The following FBXW7 variants were observed in gnomAD, a reference collection of about 807,000 sequenced individuals.
The protein encoded by FBXW7 is F-box and WD repeat domain containing 7, also known as F-box/WD repeat-containing protein 7.
Under a neutral mutation model 86.3 loss-of-function variants are expected in FBXW7, and 11 were observed. The observed-to-expected ratio is 0.13, with a 90% CI of 0.08 to 0.21. FBXW7 has a LOEUF of 0.21. Ranked by LOEUF, FBXW7 falls within the 10% of genes least tolerant of loss-of-function variation. FBXW7 has a pLI of 1.00. For missense variants in FBXW7, 488 were observed against 847.4 expected, an observed-to-expected ratio of 0.58 and a Z score of 5.27; for synonymous variants, 313 against 297.9, an observed-to-expected ratio of 1.05 and a Z score of -0.52.
chr4:152,442,906 C>A (rs1040201063), intron 2 of FBXW7, among the ~76,000 whole-genome samples: 1 of 152,196 alleles, frequency 6.6e-6, no homozygotes, highest in Non-Finnish European at 1.5e-5. Flanking sequence ...GCCTCCTCAA[C>A]GCTAAAACAA....
At chr4:152,442,766 A>G (rs957089049) in intron 2 of FBXW7, among the ~76,000 whole-genome samples, 4 of 152,210 alleles carry the variant, frequency 2.6e-5, no homozygotes, top group Admixed American at 2.6e-4. Flanking sequence ...TGAACACTTA[A>G]AAGTTTCAGA....
chr4:152,524,936 A>G (rs916345612), intron 2 of FBXW7, among the ~76,000 whole-genome samples: 1 of 152,182 alleles, frequency 6.6e-6, no homozygotes, highest in Non-Finnish European at 1.5e-5. Flanking sequence ...AGAGACCACC[A>G]ATCATGCAAA....
At chr4:152,486,566 T>C (rs983772271) in intron 2 of FBXW7, among the ~76,000 whole-genome samples, 17 of 152,296 alleles carry the variant, frequency 1.1e-4, no homozygotes, top group African/African-American at 4.1e-4. Flanking sequence ...AGTATCACTG[T>C]CTTCCACCTC....
chr4:152,459,899 T>C (rs1742784242), intron 2 of FBXW7, among the ~76,000 whole-genome samples: 1 of 152,074 alleles, frequency 6.6e-6, no homozygotes, highest in Non-Finnish European at 1.5e-5. Context: ...AGCAAAACTG[T>C]GGATAAGGGG....
chr4:152,386,950 C>G (rs1046017367), intron 4 of FBXW7, among the ~76,000 whole-genome samples: 1 of 152,140 alleles, frequency 6.6e-6, no homozygotes, highest in African/African-American at 2.4e-5. Context: ...ACCATCACAG[C>G]AATTTACTCT....
At chr4:152,348,632 T>C (rs757772946) in intron 5 of FBXW7, 2 of 639,764 alleles carry the variant, frequency 3.1e-6, no homozygotes, top group South Asian at 5.6e-5. Context: ...TCAGCACTCA[T>C]TTATTCTAAG....
rs78939991 is a variant in FBXW7, at chr4:152,495,171, G to A, written c.-120+39770C>T. ...TTTTAGGCTGGGTGTGGTGACTCACGTCTGTAATCCTAGCACTTTGGGAGG... is the reference window on the plus strand; with the variant it reads ...TTTTAGGCTGGGTGTGGTGACTCACATCTGTAATCCTAGCACTTTGGGAGG... On this transcript the variant is annotated intron_variant, in intron 2 of 13. Coordinates refer to ENST00000281708, the MANE Select transcript of FBXW7 (RefSeq NM_001349798.2). 3.3e-5 allele frequency among the ~76,000 whole-genome samples: 5 copies of A among 152,204 alleles called. No individual in the cohort carries two copies. In the East Asian group the frequency reaches 5.8e-4, roughly 18 times the overall value.
intron 2 of FBXW7, among the ~76,000 whole-genome samples, chr4:152,461,604 C>T (rs1476273114): frequency 6.6e-6 from 1 of 152,102 alleles, no homozygotes; most frequent in African/African-American, 2.4e-5. Context: ...TTGCTAAATC[C>T]AATATCTGGC....
At chr4:152,453,284 A>G (rs191244846) in intron 2 of FBXW7, among the ~76,000 whole-genome samples, 127 of 152,298 alleles carry the variant, frequency 8.3e-4, no homozygotes, top group African/African-American at 2.9e-3. Flanking sequence ...TTCTTATCTT[A>G]ATTTCTTATG....
At chr4:152,337,452 T>A (rs1730251125) in intron 7 of FBXW7, among the ~76,000 whole-genome samples, 1 of 151,886 alleles carries the variant, frequency 6.6e-6, no homozygotes, top group Non-Finnish European at 1.5e-5. Flanking sequence ...TTTTAAAAAA[T>A]CTACTATCAT....
intron 6 of FBXW7, among the ~76,000 whole-genome samples, chr4:152,340,466 C>A (rs912380263): frequency 1.3e-5 from 2 of 149,912 alleles, no homozygotes; most frequent in Non-Finnish European, 3.0e-5. Context: ...GTAGTCCCGG[C>A]GACTTGGGAG....
intron 2 of FBXW7, among the ~76,000 whole-genome samples, chr4:152,467,746 CAGTG>C (rs951518476): frequency 1.3e-5 from 2 of 152,134 alleles, no homozygotes; most frequent in Non-Finnish European, 1.5e-5. Context: ...CCCAGGCTAT[CAGTG>C]AGTATTTATT....
chr4:152,347,208 C>T (rs1469237595), intron 5 of FBXW7, 137 bp from the exon 6 acceptor site: 5 of 758,670 alleles, frequency 6.6e-6, no homozygotes, highest in Non-Finnish European at 8.1e-6. Context: ...CAATTAATTA[C>T]CTTTCTTCCC....
At position 152,483,017 on chromosome 4, in the gene FBXW7, C is replaced by T. The variant is rs189673700; in HGVS notation, c.-120+51924G>A. Among the ~76,000 whole-genome samples the T allele has an allele frequency of 3.0e-3, 457 of 152,192 alleles. 1 individual carries two copies. Among genetic ancestry groups the T allele is most frequent in the African/African-American group, 0.01 (436 of 41,552 alleles). On this transcript the variant is annotated intron_variant, in intron 2 of 13. Coordinates refer to ENST00000281708, the MANE Select transcript of FBXW7 (RefSeq NM_001349798.2). ...TCACAAAGATCTTATTCTTTTTAAT[C>T]AGCTTGCTAATATTCTAAAATACAG... is the stretch of plus-strand genomic sequence containing the variant.
intron 4 of FBXW7, among the ~76,000 whole-genome samples, chr4:152,373,617 C>A (rs764498218): frequency 6.6e-6 from 1 of 152,012 alleles, no homozygotes; most frequent in Non-Finnish European, 1.5e-5. Context: ...CCCTCTATCA[C>A]TCCTCTGATC....
intron 2 of FBXW7, among the ~76,000 whole-genome samples, chr4:152,465,446 T>A (rs1038699332): frequency 6.6e-6 from 1 of 152,212 alleles, no homozygotes; most frequent in Non-Finnish European, 1.5e-5. Flanking sequence ...TCATCACAAT[T>A]GAAAATTTAA....
At chr4:152,325,870 G>T in intron 12 of FBXW7, 136 bp downstream of exon 12, 2 of 585,478 alleles carry the variant, frequency 3.4e-6, no homozygotes, top group South Asian at 3.4e-5. Flanking sequence ...CAATTTTAAC[G>T]TATATAAAAA....
At chr4:152,328,080 T>C in intron 11 of FBXW7, 128 bp downstream of exon 11, 3 of 747,924 alleles carry the variant, frequency 4.0e-6, no homozygotes, top group Non-Finnish European at 6.3e-6. Context: ...AATAGAAACA[T>C]CTGAAGTGTA....
intron 2 of FBXW7, among the ~76,000 whole-genome samples, chr4:152,491,515 T>C (rs920043593): frequency 4.6e-5 from 7 of 152,124 alleles, no homozygotes; most frequent in Admixed American, 2.6e-4. Context: ...CTTTCCCCCA[T>C]GGACGTGACG....
Sources: gnomAD v4.1 joint callset for allele counts (sites outside exome capture counted in the v4.1 genomes callset) on GRCh38, gnomAD v4.1.1 for gene constraint, MANE v1.5 for transcripts, NCBI Gene and HGNC (gene_info 2026-07-23, HGNC 2026-07-21) for gene names.